The following TBL1X variants were observed in gnomAD, a reference collection of about 807,000 sequenced individuals.
TBL1X encodes F-box-like/WD repeat-containing protein TBL1X.
In TBL1X, 10 loss-of-function variants were observed where a neutral mutation model predicts 50.7. That is an observed-to-expected ratio of 0.20 (90% CI 0.12 to 0.33). TBL1X has a LOEUF of 0.33. TBL1X is among the 10% of genes least tolerant of loss of function. The pLI is 1.00. For synonymous variants in TBL1X, 190 were observed against 214.7 expected (o/e 0.88, Z 1.01); for missense variants, 340 against 504.4 (o/e 0.67, Z 3.12).
intron 6 of TBL1X, among the ~76,000 whole-genome samples, chrX:9,687,617 T>A (rs927226209): frequency 9.1e-6 from 1 of 110,250 alleles, no homozygotes; most frequent in African/African-American, 3.3e-5. Flanking sequence ...CTCCCTTAGT[T>A]GTAACAGCCA....
At chrX:9,621,579 C>T (rs1229639383) in intron 2 of TBL1X, among the ~76,000 whole-genome samples, 1 of 112,026 alleles carries the variant, frequency 8.9e-6, no homozygotes, top group East Asian at 2.8e-4. Context: ...AGAAATGATG[C>T]ACTCTGCTAA....
intron 5 of TBL1X, among the ~76,000 whole-genome samples, chrX:9,679,421 T>G (rs1175294380): frequency 3.6e-5 from 4 of 111,165 alleles, no homozygotes; most frequent in Non-Finnish European, 5.7e-5. Flanking sequence ...GTCAAGAGAT[T>G]CATCAGGAAT....
chrX:9,583,555 G>T (rs554720618), intron 2 of TBL1X, among the ~76,000 whole-genome samples: 6 of 111,651 alleles, frequency 5.4e-5, no homozygotes, highest in African/African-American at 2.0e-4. Context: ...AAAGGAAAAT[G>T]TCATTGATAA....
intron 2 of TBL1X, among the ~76,000 whole-genome samples, chrX:9,589,265 A>G (rs933017897): frequency 6.3e-5 from 7 of 110,772 alleles, no homozygotes; most frequent in Non-Finnish European, 1.3e-4. Context: ...AAACACCAGA[A>G]GTATATCCTC....
chrX:9,609,784 G>A (rs964091074), intron 2 of TBL1X, among the ~76,000 whole-genome samples: 1 of 111,804 alleles, frequency 8.9e-6, no homozygotes, highest in Non-Finnish European at 1.9e-5. Context: ...CCAGGAATGC[G>A]TGACATCTTT....
At chrX:9,566,251 C>T (rs1352270403) in intron 2 of TBL1X, among the ~76,000 whole-genome samples, 1 of 111,989 alleles carries the variant, frequency 8.9e-6, no homozygotes, top group Non-Finnish European at 1.9e-5. Context: ...TGGCATTCCT[C>T]CGCCAGTCCT....
chrX:9,499,979 CA>C (rs34239377), intron 1 of TBL1X, among the ~76,000 whole-genome samples: 119 of 91,348 alleles, frequency 1.3e-3, no homozygotes, highest in Admixed American at 1.9e-3. Context: ...ATCCTGTCTC[CA>C]AAAAAAAAAA....
chrX:9,538,845 C>G (rs1477149977), intron 2 of TBL1X, among the ~76,000 whole-genome samples: 1 of 112,745 alleles, frequency 8.9e-6, no homozygotes, highest in Admixed American at 9.3e-5. Flanking sequence ...TGGCCCAGTG[C>G]CAGGGTGCCA....
intron 3 of TBL1X, among the ~76,000 whole-genome samples, chrX:9,641,285 G>A (rs1393178718): frequency 8.9e-6 from 1 of 111,938 alleles, no homozygotes; most frequent in Non-Finnish European, 1.9e-5. Flanking sequence ...GTCAAGAGTT[G>A]AGAAGCCCGT....
At chrX:9,687,394 T>C (rs1240285995) in intron 6 of TBL1X, among the ~76,000 whole-genome samples, 1 of 112,124 alleles carries the variant, frequency 8.9e-6, no homozygotes, top group Non-Finnish European at 1.9e-5. Flanking sequence ...TGCATCTCAT[T>C]TGGGCTCTGC....
chrX:9,630,308 A>G (rs993741824), intron 2 of TBL1X, among the ~76,000 whole-genome samples: 7 of 111,980 alleles, frequency 6.3e-5, no homozygotes, highest in Non-Finnish European at 1.3e-4. Flanking sequence ...CAGATTCCCT[A>G]AGGACGTGAG....
intron 2 of TBL1X, among the ~76,000 whole-genome samples, chrX:9,541,048 A>G (rs1387197554): frequency 3.6e-5 from 4 of 112,049 alleles, no homozygotes; most frequent in Non-Finnish European, 7.5e-5. Flanking sequence ...CTCGCCAGGG[A>G]AAAGAAGGAG....
intron 5 of TBL1X, among the ~76,000 whole-genome samples, chrX:9,675,783 C>T (rs1475827501): frequency 3.7e-5 from 4 of 108,230 alleles, no homozygotes; most frequent in African/African-American, 1.0e-4. Context: ...CCCAGCTATT[C>T]GAGAGGCTGA....
chrX:9,665,513 ATATATATATATATATATATAT>A (rs1157803709), intron 5 of TBL1X, among the ~76,000 whole-genome samples: 1 of 51,138 alleles, frequency 2.0e-5, no homozygotes, highest in East Asian at 8.5e-4. Flanking sequence ...ATATATATAT[ATATATATATATATATATATAT>A]ATATAAAAGG....
chrX:9,517,048 A>G (rs2082083830), intron 2 of TBL1X, among the ~76,000 whole-genome samples: 1 of 111,951 alleles, frequency 8.9e-6, no homozygotes, highest in South Asian at 3.7e-4. Flanking sequence ...AGTACTATAC[A>G]GTCTCTGGGA....
chrX:9,702,496 C>T (rs930951463), intron 12 of TBL1X, among the ~76,000 whole-genome samples: 2 of 104,612 alleles, frequency 1.9e-5, no homozygotes, highest in African/African-American at 7.1e-5. Context: ...GTCCCAGCTA[C>T]TCGAGAGACT....
intron 2 of TBL1X, among the ~76,000 whole-genome samples, chrX:9,627,452 C>CT (rs2082698264): frequency 8.9e-6 from 1 of 112,060 alleles, no homozygotes; most frequent in African/African-American, 3.2e-5. Flanking sequence ...ATAGCCAAGA[C>CT]TTATCTGAGT....
chrX:9,704,149 G>A (rs759081295), intron 12 of TBL1X, among the ~76,000 whole-genome samples: 265 of 112,218 alleles, frequency 2.4e-3, no homozygotes, highest in Non-Finnish European at 3.6e-3. Context: ...CCAAAGTCAG[G>A]GAGGGTGTCG....
chrX:9,565,328 C>T (rs1042004414), intron 2 of TBL1X, among the ~76,000 whole-genome samples: 1 of 106,957 alleles, frequency 9.3e-6, no homozygotes, highest in Non-Finnish European at 1.9e-5. Context: ...TCAGCAGTGC[C>T]CATTCCATTG....
Sources: allele counts gnomAD v4.1 joint callset (sites outside exome capture counted in the v4.1 genomes callset), GRCh38; gene constraint gnomAD v4.1.1; transcripts MANE v1.5; gene names NCBI Gene and HGNC (gene_info 2026-07-23, HGNC 2026-07-21).